The following SUCLG2 variants were observed in gnomAD, a reference collection of about 807,000 sequenced individuals.
SUCLG2 encodes succinate-CoA ligase GDP-forming subunit beta, also known as succinate--CoA ligase [GDP-forming] subunit beta, mitochondrial.
SUCLG2 carries 42 observed loss-of-function variants against 47.9 expected under a neutral mutation model. The observed-to-expected ratio is 0.88, with a 90% CI of 0.69 to 1.14. The LOEUF is 1.14. Among genes scored for constraint, SUCLG2 ranks in the 50% most tolerant of loss-of-function variants. SUCLG2 has a pLI of 0.00. For synonymous variants in SUCLG2, 195 were observed against 197.3 expected, an observed-to-expected ratio of 0.99 and a Z score of 0.10; for missense variants, 571 against 525.9, an observed-to-expected ratio of 1.09 and a Z score of -0.84.
chr3:67,381,085 G>A (rs3892901), intron 10 of SUCLG2, among the ~76,000 whole-genome samples: 86,615 of 151,930 alleles, frequency 0.57, 24,909 homozygotes, highest in Middle Eastern at 0.72. Flanking sequence ...GCTGAGGTCA[G>A]AGGACCGCTT....
chr3:67,562,345 T>G (rs1185183075), intron 2 of SUCLG2, among the ~76,000 whole-genome samples: 3 of 152,074 alleles, frequency 2.0e-5, no homozygotes, highest in African/African-American at 7.2e-5. Flanking sequence ...CAGTGCCATC[T>G]CGGCTCATTG....
intron 9 of SUCLG2, among the ~76,000 whole-genome samples, chr3:67,405,517 T>G (rs981573147): frequency 3.7e-4 from 56 of 152,158 alleles, no homozygotes; most frequent in African/African-American, 1.3e-3. Context: ...ACAACATTTT[T>G]GGGGGATAAT....
chr3:67,393,161 C>G (rs890112202), intron 10 of SUCLG2, among the ~76,000 whole-genome samples: 32 of 151,312 alleles, frequency 2.1e-4, no homozygotes, highest in Middle Eastern at 3.4e-3. Context: ...GAGTGCCAGA[C>G]AGTGGGCGCA....
chr3:67,561,286 C>G (rs1015344129), intron 2 of SUCLG2, among the ~76,000 whole-genome samples: 4 of 151,816 alleles, frequency 2.6e-5, no homozygotes, highest in African/African-American at 9.7e-5. Context: ...CATTAAATAC[C>G]ACATTTATTT....
intron 9 of SUCLG2, among the ~76,000 whole-genome samples, chr3:67,418,837 T>A (rs1348823065): frequency 2.0e-5 from 3 of 152,158 alleles, no homozygotes; most frequent in Admixed American, 2.0e-4. Context: ...ACAAACGGCC[T>A]GGACCTCTCC....
At chr3:67,464,360 A>G (rs1050664412) in intron 9 of SUCLG2, among the ~76,000 whole-genome samples, 1 of 152,216 alleles carries the variant, frequency 6.6e-6, no homozygotes, top group African/African-American at 2.4e-5. Flanking sequence ...GTGTGTATGC[A>G]TCCTTCCTGG....
chr3:67,534,291 G>T (rs1202968685), intron 2 of SUCLG2, among the ~76,000 whole-genome samples: 1 of 151,978 alleles, frequency 6.6e-6, no homozygotes, highest in Admixed American at 6.6e-5. Context: ...AAGCCATTTT[G>T]AAGAGTTTGA....
intron 2 of SUCLG2, among the ~76,000 whole-genome samples, chr3:67,597,971 A>T (rs1031339432): frequency 4.0e-5 from 6 of 150,014 alleles, no homozygotes; most frequent in Non-Finnish European, 7.4e-5. Flanking sequence ...ACAACAAAAA[A>T]CTCTCATTTC....
intron 2 of SUCLG2, among the ~76,000 whole-genome samples, chr3:67,555,746 C>A (rs1349825692): frequency 6.6e-6 from 1 of 152,094 alleles, no homozygotes; most frequent in Non-Finnish European, 1.5e-5. Flanking sequence ...AAATACCAAC[C>A]AGCAAATGAT....
chr3:67,522,121 C>A (rs550773878), intron 4 of SUCLG2, among the ~76,000 whole-genome samples: 1 of 151,876 alleles, frequency 6.6e-6, no homozygotes, highest in African/African-American at 2.4e-5. Context: ...ATGGCACAAT[C>A]GTGGCTCACT....
At chr3:67,467,465 T>C (rs544809769) in intron 9 of SUCLG2, among the ~76,000 whole-genome samples, 1 of 152,294 alleles carries the variant, frequency 6.6e-6, no homozygotes, top group Non-Finnish European at 1.5e-5. Context: ...GGAAAAAAGA[T>C]GAAATGTAAA....
intron 2 of SUCLG2, among the ~76,000 whole-genome samples, chr3:67,546,828 G>C (rs1287576880): frequency 6.6e-6 from 1 of 152,160 alleles, no homozygotes; most frequent in Non-Finnish European, 1.5e-5. Flanking sequence ...TGGAACCGGG[G>C]AGGCAGAGGT....
rs1227542714 is a variant in SUCLG2 at position 67,443,513 on chromosome 3, T to A, written c.1063-42662A>T. Among the ~76,000 whole-genome samples the A allele has an allele frequency of 2.9e-5, 2 of 67,904 alleles. 1 individual carries two copies. Among genetic ancestry groups the A allele is most frequent in the Non-Finnish European group, 6.5e-5 (2 of 30,576 alleles). 44.5% of individuals were successfully genotyped at this position (67,904 alleles called of 152,430 possible). A position where few individuals can be genotyped will look rare whatever the true frequency, so the allele number is the denominator to read the frequency against. On this transcript the variant is annotated intron_variant, in intron 9 of 10. Coordinates refer to ENST00000307227, the MANE Select transcript of SUCLG2 (RefSeq NM_003848.4). ...AGGAGTGTCTGTGCCTGGCCGCCCA[T>A]CGTCTGGGATGTGAGGAGCCCCTCT...
intron 10 of SUCLG2, among the ~76,000 whole-genome samples, chr3:67,378,191 G>T (rs1484736457): frequency 6.6e-6 from 1 of 152,192 alleles, no homozygotes; most frequent in African/African-American, 2.4e-5. Context: ...GGTTTTCAAA[G>T]ATCAATCACT....
At position 67,498,312 on chromosome 3, in the gene SUCLG2, AC is replaced by A. The variant is rs769608540; in HGVS notation, c.758-18del. The A allele has an allele frequency of 8.7e-6, 14 of 1,611,836 alleles. No homozygotes were observed. The highest frequency in any genetic ancestry group is 3.3e-4 in the Middle Eastern group (2 of 6,070). ...AACAGACAACTAAATAAAGAAGAAA[AC>A]AATCATACTTGAATATCTCTTGAGG... On this transcript the variant is annotated intron_variant, in intron 7 of 10. Coordinates refer to ENST00000307227, the MANE Select transcript of SUCLG2 (RefSeq NM_003848.4).
At chr3:67,457,028 A>T (rs760302570) in intron 9 of SUCLG2, among the ~76,000 whole-genome samples, 35 of 152,196 alleles carry the variant, frequency 2.3e-4, no homozygotes, top group Non-Finnish European at 4.7e-4. Context: ...AAAAAGAAAA[A>T]CATTCAAGTC....
intron 6 of SUCLG2, among the ~76,000 whole-genome samples, chr3:67,511,487 T>C (rs1363641457): frequency 1.3e-5 from 2 of 152,112 alleles, no homozygotes; most frequent in Non-Finnish European, 2.9e-5. Flanking sequence ...CTGGTGGTTT[T>C]ATAAAGGGGG....
chr3:67,604,959 T>C (rs1399395781), intron 2 of SUCLG2, among the ~76,000 whole-genome samples: 2 of 152,234 alleles, frequency 1.3e-5, no homozygotes, highest in African/African-American at 4.8e-5. Context: ...TGAACTCTCC[T>C]AACACATGAT....
At chr3:67,521,447 C>T (rs1370880285) in intron 4 of SUCLG2, among the ~76,000 whole-genome samples, 2 of 152,134 alleles carry the variant, frequency 1.3e-5, no homozygotes, top group Non-Finnish European at 2.9e-5. Flanking sequence ...TGTCCTTTTG[C>T]TCTGTAGGAC....
Sources: gnomAD v4.1 joint callset for allele counts (sites outside exome capture counted in the v4.1 genomes callset) on GRCh38, gnomAD v4.1.1 for gene constraint, MANE v1.5 for transcripts, NCBI Gene and HGNC (gene_info 2026-07-23, HGNC 2026-07-21) for gene names.